The following GLCE variants were observed in gnomAD, a reference collection of about 807,000 sequenced individuals.
The protein encoded by GLCE is D-glucuronyl C5-epimerase.
Under a neutral mutation model 47.9 loss-of-function variants are expected in GLCE, and 19 were observed. The ratio of observed to expected loss-of-function variants is 0.40; its 90% confidence interval spans 0.28 to 0.58. The LOEUF is 0.58. GLCE is among the 20% of genes least tolerant of loss of function. GLCE has a pLI of 0.48. For missense variants in GLCE, 556 were observed against 743.3 expected (o/e 0.75, Z 2.93); for synonymous variants, 245 against 263.4 (o/e 0.93, Z 0.68).
intron 1 of GLCE, among the ~76,000 whole-genome samples, chr15:69,203,686 A>G (rs1055225358): frequency 6.6e-6 from 1 of 152,176 alleles, no homozygotes; most frequent in Non-Finnish European, 1.5e-5. Context: ...CATTTAACTT[A>G]TAATTGGATG....
Position 69,269,146 on chromosome 15 carries a change from T to C in GLCE, c.1756T>C (p.Leu586=). ...WDYHTTHINQ[L]QLLSTIDESP... ...CTATCATACCACCCACATCAATCAG[T>C]TGCAGCTACTCAGTACCATTGATGA... Residue 586 remains leucine (L), a synonymous_variant, in exon 5 of 5, where the codon TTG becomes CTG. Transcript: ENST00000261858. The C allele has an allele frequency of 6.2e-7, 1 of 1,613,864 alleles. No individual in the cohort carries two copies. Among genetic ancestry groups the C allele is most frequent in the Non-Finnish European group, 8.5e-7 (1 of 1,179,766 alleles).
intron 2 of GLCE, among the ~76,000 whole-genome samples, chr15:69,246,459 T>C (rs759960922): frequency 1.3e-5 from 2 of 152,152 alleles, no homozygotes; most frequent in Non-Finnish European, 2.9e-5. Flanking sequence ...GGCTCACACC[T>C]GTAATCCCAG....
chr15:69,233,130 A>C (rs1041125079), intron 2 of GLCE, among the ~76,000 whole-genome samples: 4 of 152,340 alleles, frequency 2.6e-5, no homozygotes, highest in South Asian at 4.1e-4. Context: ...ATACTGGCTT[A>C]AAATTTCATA....
chr15:69,250,409 C>T (rs557573722), intron 2 of GLCE, among the ~76,000 whole-genome samples: 36 of 152,240 alleles, frequency 2.4e-4, no homozygotes, highest in African/African-American at 8.2e-4. Flanking sequence ...GAAAAAAACC[C>T]GTGCCCATTT....
intron 3 of GLCE, among the ~76,000 whole-genome samples, chr15:69,260,252 G>GTTTTTTTTT (rs34911776): frequency 2.5e-5 from 2 of 79,224 alleles, no homozygotes; most frequent in African/African-American, 8.6e-5. Context: ...GTCACAACTG[G>GTTTTTTTTT]TTTTTTTTTT....
rs996808449 is a variant in GLCE at position 69,271,007 on chromosome 15, C to A, written c.*1763C>A. ...AAATAAACTTTCTCCAGTCTGGGAA[C>A]CTTTTTTACTTCCCCATATTTGTTA... On this transcript the variant is annotated 3_prime_UTR_variant, in exon 5 of 5. Transcript: ENST00000261858. The A allele has an allele frequency of 6.6e-5, 10 of 152,374 alleles. No homozygotes were observed. The highest frequency in any genetic ancestry group is 2.4e-4 in the African/African-American group (10 of 41,440). 9.4% of individuals were successfully genotyped at this position (152,374 alleles called of 1,614,324 possible). A position where few individuals can be genotyped will look rare whatever the true frequency, so the allele number is the denominator to read the frequency against.
At chr15:69,248,757 C>T (rs978930609) in intron 2 of GLCE, among the ~76,000 whole-genome samples, 5 of 152,030 alleles carry the variant, frequency 3.3e-5, no homozygotes, top group African/African-American at 7.2e-5. Flanking sequence ...CGCACCACCA[C>T]GCCCAGCTAA....
At chr15:69,202,267 A>G (rs926472948) in intron 1 of GLCE, among the ~76,000 whole-genome samples, 1 of 148,692 alleles carries the variant, frequency 6.7e-6, no homozygotes, top group Non-Finnish European at 1.5e-5. Flanking sequence ...TTACCCAATT[A>G]AAAAAAAAAA....
intron 1 of GLCE, among the ~76,000 whole-genome samples, chr15:69,187,435 G>A (rs1175640470): frequency 6.6e-6 from 1 of 152,152 alleles, no homozygotes; most frequent in Non-Finnish European, 1.5e-5. Flanking sequence ...TGGTGAGAGA[G>A]TATTATTGTC....
At chr15:69,239,720 T>C (rs1384876693) in intron 2 of GLCE, among the ~76,000 whole-genome samples, 1 of 152,096 alleles carries the variant, frequency 6.6e-6, no homozygotes, top group Non-Finnish European at 1.5e-5. Flanking sequence ...AATCTGTGAG[T>C]TCATATGTTA....
At chr15:69,215,413 C>A (rs947938485) in intron 2 of GLCE, among the ~76,000 whole-genome samples, 1 of 151,984 alleles carries the variant, frequency 6.6e-6, no homozygotes, top group African/African-American at 2.4e-5. Flanking sequence ...TAGTTTATAC[C>A]TTTTTGTTGC....
At chr15:69,205,216 A>G (rs537291542) in intron 1 of GLCE, among the ~76,000 whole-genome samples, 1 of 152,126 alleles carries the variant, frequency 6.6e-6, no homozygotes, top group African/African-American at 2.4e-5. Context: ...TCTTTTCAAA[A>G]ATGGTCATGA....
chr15:69,167,987 T>G (rs2051530367), intron 1 of GLCE, among the ~76,000 whole-genome samples: 1 of 152,158 alleles, frequency 6.6e-6, no homozygotes, highest in African/African-American at 2.4e-5. Context: ...GTATTATCCT[T>G]TATCTGAGAA....
At chr15:69,187,430 A>T (rs2051840665) in intron 1 of GLCE, among the ~76,000 whole-genome samples, 1 of 152,202 alleles carries the variant, frequency 6.6e-6, no homozygotes, top group Non-Finnish European at 1.5e-5. Flanking sequence ...CAACCTGGTG[A>T]GAGAGTATTA....
chr15:69,224,611 C>G (rs1479759758), intron 2 of GLCE, among the ~76,000 whole-genome samples: 1 of 152,158 alleles, frequency 6.6e-6, no homozygotes, highest in African/African-American at 2.4e-5. Flanking sequence ...GATCAGAGTA[C>G]AGATCTCCAT....
chr15:69,195,684 T>C (rs1022840042), intron 1 of GLCE, among the ~76,000 whole-genome samples: 1 of 152,152 alleles, frequency 6.6e-6, no homozygotes, highest in Admixed American at 6.5e-5. Flanking sequence ...TAATTTAATA[T>C]AGCCCTGGTG....
intron 4 of GLCE, among the ~76,000 whole-genome samples, chr15:69,263,665 A>G (rs1352433339): frequency 6.6e-6 from 1 of 152,034 alleles, no homozygotes; most frequent in Non-Finnish European, 1.5e-5. Flanking sequence ...TTTGATTTCC[A>G]TGACCTCACT....
chr15:69,179,231 A>G (rs1339460262), intron 1 of GLCE, among the ~76,000 whole-genome samples: 1 of 152,216 alleles, frequency 6.6e-6, no homozygotes, highest in African/African-American at 2.4e-5. Context: ...TTGGTTGTGT[A>G]CACTTTTATA....
At position 69,268,592 on chromosome 15, in the gene GLCE, A is replaced by G; in HGVS notation, c.1202A>G (p.His401Arg). The change falls in exon 5 of 5, where the codon CAC becomes CGC. Residue 401 changes from histidine to arginine, a missense_variant. Coordinates refer to ENST00000261858, the MANE Select transcript of GLCE (RefSeq NM_015554.3). ...AACATTACCATCTCTACCACAGCCCACATGGCTGCATTTTTTGCTGCTAGT... is the reference window on the plus strand; with the variant it reads ...AACATTACCATCTCTACCACAGCCCGCATGGCTGCATTTTTTGCTGCTAGT... ...LDNITISTTA[H>R]MAAFFAASDW... is the part of the protein sequence containing the mutation. 1 of 1,614,234 alleles carries G rather than the reference A, an allele frequency of 6.2e-7. No homozygotes were observed. The highest frequency in any genetic ancestry group is 2.2e-5 in the East Asian group (1 of 44,878).
Sources: allele counts gnomAD v4.1 joint callset (sites outside exome capture counted in the v4.1 genomes callset), GRCh38; gene constraint gnomAD v4.1.1; transcripts MANE v1.5; gene names NCBI Gene and HGNC (gene_info 2026-07-23, HGNC 2026-07-21).